Variants in CUL7 observed in about 807,000 individuals in gnomAD.
CUL7 encodes the protein cullin-7.
In CUL7, 96 loss-of-function variants were observed where a neutral mutation model predicts 177.7. The observed-to-expected ratio is 0.54, with a 90% confidence interval of 0.46 to 0.64. The LOEUF (loss-of-function observed/expected upper bound fraction) is 0.64. CUL7 is among the 30% of genes least tolerant of loss of function. The pLI is 0.00. For missense variants in CUL7, 1,893 were observed against 2,187.9 expected (o/e 0.87, Z 2.69); for synonymous variants, 824 against 890.2 (o/e 0.93, Z 1.32).
Position 43,050,238 on chromosome 6 carries a change from C to G in CUL7, c.1372+22G>C, listed in dbSNP as rs1226668543. 1.2e-5 allele frequency: 20 copies of G among 1,614,070 alleles called. No homozygotes were observed. The highest frequency in any genetic ancestry group is 1.7e-5 in the Non-Finnish European group (20 of 1,180,048). On this transcript the variant is annotated intron_variant, in intron 5 of 25. Coordinates refer to ENST00000265348, the MANE Select transcript of CUL7 (RefSeq NM_014780.5). The surrounding 1 kb of genome is among the most constrained non-coding windows in gnomAD (Gnocchi z 4.1). ...ACCATTCCTCTGCTCAGAGCTGACC[C>G]TTGCTTCCTCCCTGAGCTCACCTCT...
intron 19 of CUL7, 87 bp from the exon 20 acceptor site, chr6:43,041,162 T>C: frequency 1.5e-6 from 2 of 1,338,660 alleles, no homozygotes; most frequent in Non-Finnish European, 2.1e-6. Context: ...GGAAAGTAGA[T>C]ATGAATGCTG....
chr6:43,042,584 G>C (rs1213605139), intron 19 of CUL7, among the ~76,000 whole-genome samples: 1 of 152,132 alleles, frequency 6.6e-6, no homozygotes. Flanking sequence ...CAGATGATCT[G>C]CCTGCCTCGG....
rs1190025696 is a variant in CUL7 at position 43,048,210 on chromosome 6, G to A, written c.2107C>T (p.Pro703Ser). 1 of 1,614,114 alleles carries A rather than the reference G, an allele frequency of 6.2e-7. No homozygotes were observed. The highest frequency in any genetic ancestry group is 1.1e-5 in the South Asian group (1 of 91,080). The change falls in exon 9 of 26, where the codon CCC becomes TCC. Residue 703 changes from proline (P) to serine (S), a missense_variant. Physicochemically the swap from Pro to Ser is moderately conservative, Grantham distance 74. This residue lies in a region of CUL7 where 973 missense variants were observed against 1,140.9 expected (regional missense o/e 0.85). Transcript: ENST00000265348. ...LVDFPEALLLPWHEAVDACMA... is the reference protein window; with the variant it reads ...LVDFPEALLLSWHEAVDACMA... ...CAGGCATCCACGGCCTCGTGCCAGG[G>A]GAGCAGCAGTGCCTCGGGGAAGTCC...
chr6:43,049,597 C>T lies in CUL7; in HGVS notation c.1635G>A (p.Leu545=). The stretch of plus-strand genomic sequence containing the variant: ...TGTCATTGAGTCGCTGTGGCAGAGT[C>T]AGCAGCAAGTCCTGGGCCAATTCTA... The part of the protein sequence containing the change: ...VPIELAQDLL[L]TLPQRLNDSA... The change falls in exon 7 of 26, where the codon CTG becomes CTA. Residue 545 remains leucine, a synonymous_variant. Transcript: ENST00000265348. 1 of 1,614,218 alleles carries T rather than the reference C, an allele frequency of 6.2e-7. No homozygotes were observed. The highest frequency in any genetic ancestry group is 8.5e-7 in the Non-Finnish European group (1 of 1,180,046).
chr6:43,045,610 T>G lies in CUL7; in HGVS notation c.2839A>C (p.Ile947Leu). ...NLTRFWPIIQIRIKRCQQGGI... is the reference protein window; with the variant it reads ...NLTRFWPIIQLRIKRCQQGGI... ...ACCTGCTGGCAGCGCTTTATGCGGA[T>G]CTGGATGATGGGCCAGAAGCGGGTC... Residue 947 changes from isoleucine (I) to leucine (L), a missense_variant, in exon 14 of 26, where the codon ATC becomes CTC. Ile to Leu is a conservative substitution (Grantham distance 5, BLOSUM62 2). This residue lies in a region of CUL7 where 973 missense variants were observed against 1,140.9 expected (regional missense o/e 0.85). Coordinates refer to ENST00000265348, the MANE Select transcript of CUL7 (RefSeq NM_014780.5). This position sits in a 1 kb window ranked among gnomAD's most constrained non-coding sequence, Gnocchi z 4.8. 6.2e-7 allele frequency: 1 copy of G among 1,614,176 alleles called. No homozygotes were observed. Among genetic ancestry groups the G allele is most frequent in the Non-Finnish European group, 8.5e-7 (1 of 1,180,040 alleles).
chr6:43,037,816 T>C lies in CUL7; in HGVS notation c.4969A>G (p.Thr1657Ala). 1 of 1,610,538 alleles carries C rather than the reference T, an allele frequency of 6.2e-7. No individual in the cohort carries two copies. Residue 1657 changes from threonine (T) to alanine (A), a missense_variant, in exon 26 of 26, where the codon ACT (threonine) becomes GCT (alanine). Around this residue, in one of 5 missense-constraint regions of CUL7, gnomAD observed 248 missense variants for 262.5 expected, o/e 0.94. Transcript: ENST00000265348. ...AVPVTVMEPHTESLNPGSSGP... is the reference protein window; with the variant it reads ...AVPVTVMEPHAESLNPGSSGP... ...GAGGAGCCTGGGTTCAGGGACTCAG[T>C]GTGAGGCTCCATGACAGTCACAGGG...
At chr6:43,049,052 G>A (rs973721979) in intron 7 of CUL7, among the ~76,000 whole-genome samples, 12 of 152,078 alleles carry the variant, frequency 7.9e-5, no homozygotes, top group African/African-American at 2.2e-4. Context: ...GATTACAGGC[G>A]TGAGCCACCA....
chr6:43,042,967 G>A lies in CUL7; in HGVS notation c.3480C>T (p.Thr1160=). Residue 1160 remains threonine, a synonymous_variant, in exon 19 of 26, where the codon ACC becomes ACT. Transcript: ENST00000265348. Reference sequence around the variant, plus strand: ...CAAAGTCATCATCCCGCCAGGATGAGGTCAGAAAATTGTTCACCTGGAAGG... The same window carrying A: ...CAAAGTCATCATCCCGCCAGGATGAAGTCAGAAAATTGTTCACCTGGAAGG... ...VVEKQVNNFL[T]SSWRDDDFVP... is the part of the protein sequence containing the mutation. 1 of 1,614,142 alleles carries A rather than the reference G, an allele frequency of 6.2e-7. No individual in the cohort carries two copies. The highest frequency in any genetic ancestry group is 8.5e-7 in the Non-Finnish European group (1 of 1,180,022).
intron 19 of CUL7, among the ~76,000 whole-genome samples, chr6:43,042,491 C>A (rs201042427): frequency 6.6e-6 from 1 of 152,136 alleles, no homozygotes; most frequent in Admixed American, 6.5e-5. Context: ...CAGGCATGTG[C>A]CACCATGCCT....
At chr6:43,039,392 G>A (rs1763219162) in intron 22 of CUL7, among the ~76,000 whole-genome samples, 1 of 152,158 alleles carries the variant, frequency 6.6e-6, no homozygotes, top group African/African-American at 2.4e-5. Context: ...CTCCTGTGTT[G>A]CTGCCAGCTC....
Position 43,045,077 on chromosome 6 carries a change from C to A in CUL7, c.3038+150G>T. On this transcript the variant is annotated intron_variant, in intron 15 of 25. Transcript: ENST00000265348. The surrounding 1 kb of genome is among the most constrained non-coding windows in gnomAD (Gnocchi z 4.8). ...GAGAAATCTTTTCTCTTTATCCTTT[C>A]TTCCCCTCCCACAGCTCAGAAAACT... 7.6e-7 allele frequency: 1 copy of A among 1,317,360 alleles called. No individual in the cohort carries two copies. The highest frequency in any genetic ancestry group is 1.3e-5 in the South Asian group (1 of 76,992). The allele number at this position is 1,317,360 out of a possible 1,614,324, so 81.6% of individuals were successfully genotyped here.
Position 43,051,892 on chromosome 6 carries a change from C to T in CUL7, c.581-129G>A, listed in dbSNP as rs1420483560. ...AGAAAGAACTGATTTGCTTCAAAAG[C>T]TAAAATTTGCTAACTTATACACATA... On this transcript the variant is annotated intron_variant, in intron 2 of 25. Transcript: ENST00000265348. The surrounding 1 kb of genome is among the most constrained non-coding windows in gnomAD (Gnocchi z 5.0). 4 of 1,244,040 alleles carry T rather than the reference C, an allele frequency of 3.2e-6. No homozygotes were observed. Among genetic ancestry groups the T allele is most frequent in the Non-Finnish European group, 4.7e-6 (4 of 852,836 alleles). 77.1% of individuals were successfully genotyped at this position (1,244,040 alleles called of 1,614,324 possible). A position where few individuals can be genotyped will look rare whatever the true frequency, so the allele number is the denominator to read the frequency against.
At position 43,050,363 on chromosome 6, in the gene CUL7, C is replaced by T. The variant is rs138348596; in HGVS notation, c.1269G>A (p.Val423=). ...FWESTGRTYW[V]HWHMLEILGF... is the part of the protein sequence containing the mutation. Reference sequence around the variant, plus strand: ...CCAAGATCTCCAGCATGTGCCAGTGCACCCAATAGGTGCGGCCTGTTGACT... The same window carrying T: ...CCAAGATCTCCAGCATGTGCCAGTGTACCCAATAGGTGCGGCCTGTTGACT... The change falls in exon 5 of 26, where the codon GTG becomes GTA. Residue 423 remains valine (V), a synonymous_variant. Coordinates refer to ENST00000265348, the MANE Select transcript of CUL7 (RefSeq NM_014780.5). This position sits in a 1 kb window ranked among gnomAD's most constrained non-coding sequence, Gnocchi z 4.1. 2 of 1,614,178 alleles carry T rather than the reference C, an allele frequency of 1.2e-6. No individual in the cohort carries two copies. The highest frequency in any genetic ancestry group is 1.1e-5 in the South Asian group (1 of 91,086).
intron 16 of CUL7, 98 bp downstream of exon 16, chr6:43,044,654 A>G: frequency 6.6e-7 from 1 of 1,508,268 alleles, no homozygotes; most frequent in Non-Finnish European, 8.9e-7. Flanking sequence ...CAAAAGGGCC[A>G]GGACATAATC....
rs1286085190 is a variant in CUL7 at position 43,040,568 on chromosome 6, C to T, written c.3985G>A (p.Glu1329Lys). 6.2e-7 allele frequency: 1 copy of T among 1,614,096 alleles called. No individual in the cohort carries two copies. Among genetic ancestry groups the T allele is most frequent in the African/African-American group, 1.3e-5 (1 of 74,938 alleles). The change falls in exon 21 of 26, where the codon GAA (glutamate) becomes AAA (lysine). Residue 1329 changes from glutamate to lysine, a missense_variant. This residue lies in a region of CUL7 where 973 missense variants were observed against 1,140.9 expected (regional missense o/e 0.85). Coordinates refer to ENST00000265348, the MANE Select transcript of CUL7 (RefSeq NM_014780.5). This position sits in a 1 kb window ranked among gnomAD's most constrained non-coding sequence, Gnocchi z 4.2. The stretch of plus-strand genomic sequence containing the variant: ...TCTGTATCCTCCAGCTTCAGGAGTT[C>T]CTGATCCAGCTGCTGGAGCTGGTAG... ...HVYQLQQLDQ[E>K]LLKLEDTEKK... is the part of the protein sequence containing the mutation.
In CUL7 at chr6:43,038,426, C is replaced by G. The variant is rs771045853; in HGVS notation, c.4614G>C (p.Trp1538Cys). 9 of 1,614,194 alleles carry G rather than the reference C, an allele frequency of 5.6e-6. No individual in the cohort carries two copies. The Admixed American group carries it at 1.5e-4, about 27-fold the overall frequency. The change falls in exon 25 of 26, where the codon TGG (tryptophan) becomes TGC (cysteine). Residue 1538 changes from tryptophan to cysteine, a missense_variant. Around this residue, in one of 5 missense-constraint regions of CUL7, gnomAD observed 248 missense variants for 262.5 expected, o/e 0.94. Coordinates refer to ENST00000265348, the MANE Select transcript of CUL7 (RefSeq NM_014780.5). ...RDGSKEPRSR[W>C]DIVRLIPPQT... ...GAGGTGGGATGAGCCGCACAATGTC[C>G]CATCTCGACCTGGGTTCCTTGCTGC...
At chr6:43,038,811 A>C in intron 23 of CUL7, 31 bp downstream of exon 23, 2 of 1,614,146 alleles carry the variant, frequency 1.2e-6, no homozygotes, top group Non-Finnish European at 1.7e-6. Context: ...AAAGTGGGAG[A>C]CAGGAGAGAG....
At chr6:43,049,786 C>G (rs906183773) in intron 6 of CUL7, 124 bp from the exon 7 acceptor site, 2 of 1,443,118 alleles carry the variant, frequency 1.4e-6, no homozygotes, top group Non-Finnish European at 1.9e-6. Flanking sequence ...TCACAGCTGG[C>G]AGCTGGCTCC....
Position 43,050,911 on chromosome 6 carries a change from G to A in CUL7, c.1233+57C>T, listed in dbSNP as rs1239519546. ...GGAGCCCCCCCATATAGAAGTCCCAGCTCTGCCCTACCCCAAATAGACCCC... is the reference window on the plus strand; with the variant it reads ...GGAGCCCCCCCATATAGAAGTCCCAACTCTGCCCTACCCCAAATAGACCCC... On this transcript the variant is annotated intron_variant, in intron 4 of 25. Coordinates refer to ENST00000265348, the MANE Select transcript of CUL7 (RefSeq NM_014780.5). The surrounding 1 kb of genome is among the most constrained non-coding windows in gnomAD (Gnocchi z 4.1). 6.2e-7 allele frequency: 1 copy of A among 1,603,970 alleles called. No homozygotes were observed. The highest frequency in any genetic ancestry group is 8.5e-7 in the Non-Finnish European group (1 of 1,176,062).
Sources: allele counts gnomAD v4.1 joint callset (sites outside exome capture counted in the v4.1 genomes callset), GRCh38; gene constraint gnomAD v4.1.1; regional missense constraint gnomAD v4.1.1; non-coding constraint Gnocchi (gnomAD v3.1); transcripts MANE v1.5; gene names NCBI Gene and HGNC (gene_info 2026-07-23, HGNC 2026-07-21).